IMMP2L: variants seen among roughly 807,000 people sequenced by gnomAD.
IMMP2L encodes the protein inner mitochondrial membrane peptidase subunit 2.
Under a neutral mutation model 19.3 loss-of-function variants are expected in IMMP2L, and 18 were observed. That is an observed-to-expected ratio of 0.93 (90% CI 0.64 to 1.38). The LOEUF is 1.38. Among genes scored for constraint, IMMP2L ranks in the 40% most tolerant of loss-of-function variants. The pLI, the probability that IMMP2L is intolerant of heterozygous loss-of-function variation, is 0.00. For missense variants in IMMP2L, 233 were observed against 218.2 expected (o/e 1.07, Z -0.43); for synonymous variants, 76 against 73.0 (o/e 1.04, Z -0.21).
chr7:111,102,414 G>A (rs1351324169), intron 3 of IMMP2L, among the ~76,000 whole-genome samples: 1 of 151,446 alleles, frequency 6.6e-6, no homozygotes, highest in Non-Finnish European at 1.5e-5. Context: ...TTTAGCAGAA[G>A]CACAATTCAC....
chr7:111,203,898 T>C (rs1160146028), intron 3 of IMMP2L, among the ~76,000 whole-genome samples: 1 of 152,174 alleles, frequency 6.6e-6, no homozygotes, highest in Non-Finnish European at 1.5e-5. Context: ...ACCATTACAT[T>C]GGTTACCCTT....
chr7:111,426,010 T>C (rs969719431), intron 3 of IMMP2L, among the ~76,000 whole-genome samples: 22 of 151,244 alleles, frequency 1.5e-4, no homozygotes, highest in Admixed American at 1.3e-3. Context: ...TGATATACAT[T>C]AACTGCTATA....
intron 3 of IMMP2L, among the ~76,000 whole-genome samples, chr7:111,215,174 AAAAC>A (rs1377478766): frequency 6.6e-6 from 1 of 152,144 alleles, no homozygotes; most frequent in Non-Finnish European, 1.5e-5. Flanking sequence ...GAAAAAAACA[AAAAC>A]AAAAATAGAA....
rs183134330 is a variant in IMMP2L at position 111,492,160 on chromosome 7, T to C, written c.136-4819A>G. Among the ~76,000 whole-genome samples, 6 of 152,270 alleles carry C rather than the reference T, an allele frequency of 3.9e-5. No homozygotes were observed. The East Asian group carries it at 1.2e-3, about 29-fold the overall frequency. Reference sequence around the variant, plus strand: ...TAAGTTTTGAGAATAAATTATTTCCTATGCCTATATTTTTGAGATCGAGCA... The same window carrying C: ...TAAGTTTTGAGAATAAATTATTTCCCATGCCTATATTTTTGAGATCGAGCA... On this transcript the variant is annotated intron_variant, in intron 2 of 5. Transcript: ENST00000405709.
At chr7:111,124,383 T>G in intron 3 of IMMP2L, 1 of 1,613,786 alleles carries the variant, frequency 6.2e-7, no homozygotes, top group Middle Eastern at 1.7e-4. Flanking sequence ...CCAATTCAGT[T>G]TTGGTGTCCT....
intron 4 of IMMP2L, among the ~76,000 whole-genome samples, chr7:110,900,053 A>C (rs1184858191): frequency 6.6e-6 from 1 of 152,224 alleles, no homozygotes; most frequent in Non-Finnish European, 1.5e-5. Context: ...TAATGTTTTC[A>C]AACTTTAAAT....
intron 3 of IMMP2L, chr7:111,091,537 C>T (rs934539124): frequency 2.0e-5 from 3 of 152,146 alleles, no homozygotes; most frequent in African/African-American, 7.2e-5. Flanking sequence ...TTTTAAAATA[C>T]GTTCTATTTC....
At chr7:110,985,633 T>C (rs1260650629) in intron 3 of IMMP2L, among the ~76,000 whole-genome samples, 1 of 152,166 alleles carries the variant, frequency 6.6e-6, no homozygotes, top group African/African-American at 2.4e-5. Context: ...TTAATTTTTA[T>C]AGAAATAAAC....
chr7:110,914,788 C>A (rs1047278876), intron 4 of IMMP2L, among the ~76,000 whole-genome samples: 1 of 111,648 alleles, frequency 9.0e-6, no homozygotes, highest in Non-Finnish European at 1.8e-5. Flanking sequence ...GAAATATGTG[C>A]ATTTTTTTTA....
intron 5 of IMMP2L, among the ~76,000 whole-genome samples, chr7:110,745,477 A>G (rs537443894): frequency 1.5e-5 from 2 of 131,956 alleles, no homozygotes; most frequent in African/African-American, 6.0e-5. Context: ...AAATGAAGGA[A>G]AAAATGTTAA....
Position 110,868,135 on chromosome 7 carries a change from G to GTGTGTGTGTGTC in IMMP2L, c.408+18457_408+18458insGACACACACACA, listed in dbSNP as rs1205992254. On this transcript the variant is annotated intron_variant, in intron 5 of 5. Coordinates refer to ENST00000405709, the MANE Select transcript of IMMP2L (RefSeq NM_032549.4). ...GTGAGGTTTGTGTGTGTGTGTGTGT[G>GTGTGTGTGTGTC]TGTGTGTGTAACCAAGCTGAAAATT... Among the ~76,000 whole-genome samples the GTGTGTGTGTGTC allele has an allele frequency of 1.1e-3, 168 of 151,928 alleles. 1 individual carries two copies. The highest frequency in any genetic ancestry group is 3.8e-3 in the African/African-American group (157 of 41,444).
chr7:111,122,950 C>T, intron 3 of IMMP2L: 2 of 1,614,030 alleles, frequency 1.2e-6, no homozygotes, highest in Non-Finnish European at 1.7e-6. Context: ...TGATTTAGGT[C>T]TTTTAACTTT....
chr7:110,963,780 T>C (rs953022942), intron 3 of IMMP2L, among the ~76,000 whole-genome samples: 14 of 152,040 alleles, frequency 9.2e-5, no homozygotes, highest in Admixed American at 2.6e-4. Context: ...AAAAAAGCCA[T>C]GTTAAAACTT....
intron 5 of IMMP2L, among the ~76,000 whole-genome samples, chr7:110,835,975 A>G (rs1229474979): frequency 6.6e-6 from 1 of 152,106 alleles, no homozygotes; most frequent in Non-Finnish European, 1.5e-5. Flanking sequence ...GCAACACCCA[A>G]TTGTTCACTG....
chr7:111,393,944 C>G (rs2131351986), intron 3 of IMMP2L, among the ~76,000 whole-genome samples: 1 of 152,224 alleles, frequency 6.6e-6, no homozygotes, highest in Middle Eastern at 3.4e-3. Flanking sequence ...ACATCATATT[C>G]TCACATTTTC....
chr7:111,195,068 G>C (rs1809323303), intron 3 of IMMP2L, among the ~76,000 whole-genome samples: 1 of 151,912 alleles, frequency 6.6e-6, no homozygotes. Flanking sequence ...TAATATGTTA[G>C]GTCTTAATGA....
chr7:111,125,062 G>A (rs1198050564), intron 3 of IMMP2L: 2 of 555,396 alleles, frequency 3.6e-6, no homozygotes, highest in Non-Finnish European at 6.3e-6. Context: ...CCTGACCAAT[G>A]GAAATATGTA....
chr7:111,269,264 A>G (rs1818187145), intron 3 of IMMP2L, among the ~76,000 whole-genome samples: 1 of 152,210 alleles, frequency 6.6e-6, no homozygotes, highest in South Asian at 2.1e-4. Flanking sequence ...AGTCTTTTTC[A>G]TATTATTATA....
rs139555024 is a variant in IMMP2L at position 111,114,327 on chromosome 7, T to A, written c.240-150762A>T. Among the ~76,000 whole-genome samples, 9 of 152,302 alleles carry A rather than the reference T, an allele frequency of 5.9e-5. No homozygotes were observed. The East Asian group carries it at 1.5e-3, about 26-fold the overall frequency. ...GAAATTAGCACCTTGTCTATCTCTA[T>A]GCCACTGTTTGACAGACACATAAAA... On this transcript the variant is annotated intron_variant, in intron 3 of 5. Transcript: ENST00000405709.
Sources: allele counts gnomAD v4.1 joint callset (sites outside exome capture counted in the v4.1 genomes callset), GRCh38; gene constraint gnomAD v4.1.1; transcripts MANE v1.5; gene names NCBI Gene and HGNC (gene_info 2026-07-23, HGNC 2026-07-21).